The following CLVS1 variants were observed in gnomAD, a reference collection of about 807,000 sequenced individuals.
The protein encoded by CLVS1 is clavesin 1, also known as clavesin-1.
A neutral mutation model predicts 33.1 loss-of-function variants in CLVS1; 10 were observed. The ratio of observed to expected loss-of-function variants is 0.30; its 90% CI spans 0.19 to 0.51. The LOEUF is 0.51. Ranked by LOEUF, CLVS1 falls within the 20% of genes least tolerant of loss-of-function variation. CLVS1 has a pLI of 0.97. For synonymous variants in CLVS1, 163 were observed against 166.1 expected (o/e 0.98, Z 0.14); for missense variants, 343 against 433.4 (o/e 0.79, Z 1.85).
At chr8:61,334,134 A>C (rs1298113782) in intron 2 of CLVS1, among the ~76,000 whole-genome samples, 1 of 152,132 alleles carries the variant, frequency 6.6e-6, no homozygotes, top group Non-Finnish European at 1.5e-5. Context: ...AGATTTTCTT[A>C]TAGGGAGGAA....
At chr8:61,288,336 G>A in intron 1 of CLVS1, 198 bp downstream of exon 1, 1 of 449,868 alleles carries the variant, frequency 2.2e-6, no homozygotes, top group South Asian at 1.6e-5. Context: ...CCCGGCGCCC[G>A]CTCAGCCTGC....
At chr8:61,102,600 C>T (rs1245188905) in intron 1 of CLVS1, among the ~76,000 whole-genome samples, 2 of 152,078 alleles carry the variant, frequency 1.3e-5, no homozygotes, top group Admixed American at 6.5e-5. Context: ...TGTGTTTTTG[C>T]CTAGTTGCCC....
At chr8:61,021,670 T>A in the CLVS1 span, among the ~76,000 whole-genome samples, 1 of 152,158 alleles carries the variant, frequency 6.6e-6, no homozygotes, top group East Asian at 1.9e-4. Flanking sequence ...ATGGTTGTTT[T>A]GACAGCTGAA....
At chr8:61,307,964 T>G (rs1356668850) in intron 2 of CLVS1, among the ~76,000 whole-genome samples, 1 of 152,194 alleles carries the variant, frequency 6.6e-6, no homozygotes, top group Non-Finnish European at 1.5e-5. Context: ...TCCTAAAATA[T>G]CAAATTTTTA....
At chr8:61,038,762 G>A in the CLVS1 span, among the ~76,000 whole-genome samples, 6 of 152,048 alleles carry the variant, frequency 3.9e-5, no homozygotes, top group Non-Finnish European at 5.9e-5. Flanking sequence ...CCATTTCCTC[G>A]GACCCACTTT....
intron 2 of CLVS1, among the ~76,000 whole-genome samples, chr8:61,332,116 C>G (rs763368103): frequency 1.3e-5 from 2 of 152,212 alleles, no homozygotes; most frequent in Non-Finnish European, 2.9e-5. Context: ...TACCCCCAAT[C>G]TCTTAACTGA....
intron 2 of CLVS1, among the ~76,000 whole-genome samples, chr8:61,374,893 A>G (rs1299436243): frequency 6.6e-6 from 1 of 152,130 alleles, no homozygotes; most frequent in Non-Finnish European, 1.5e-5. Flanking sequence ...TTTTGGCTTA[A>G]TATAAGGAAA....
chr8:61,491,930 T>G (rs1220428357), intron 5 of CLVS1, among the ~76,000 whole-genome samples: 1 of 152,182 alleles, frequency 6.6e-6, no homozygotes, highest in Non-Finnish European at 1.5e-5. Flanking sequence ...ACAGTGATAC[T>G]AAGGACATGG....
chr8:61,104,258 C>G (rs1401284765), intron 1 of CLVS1, among the ~76,000 whole-genome samples: 1 of 152,166 alleles, frequency 6.6e-6, no homozygotes, highest in Non-Finnish European at 1.5e-5. Context: ...CTGGTTCATA[C>G]AAACAAGAAA....
intron 2 of CLVS1, among the ~76,000 whole-genome samples, chr8:61,244,836 A>ATTTATTCATTAAAAATTTTT (rs1808773853): frequency 6.6e-6 from 1 of 152,126 alleles, no homozygotes; most frequent in South Asian, 2.1e-4. Flanking sequence ...TAAAATTTTT[A>ATTTATTCATTAAAAATTTTT]TTTATTCATT....
Position 61,499,550 on chromosome 8 carries a change from G to A in CLVS1, c.*8G>A. ...CTCCTGGCTCTGGACTGAACCCTGA[G>A]TCACCCCAATGCTCCTGCACACTGG... On this transcript the variant is annotated 3_prime_UTR_variant, in exon 6 of 6. Transcript: ENST00000325897. The A allele has an allele frequency of 3.1e-6, 5 of 1,610,180 alleles. No individual in the cohort carries two copies. Among genetic ancestry groups the A allele is most frequent in the Non-Finnish European group, 4.2e-6 (5 of 1,176,654 alleles).
rs756911932 is a variant in CLVS1, at chr8:61,300,224, C to G, written c.397C>G (p.Arg133Gly). Residue 133 changes from arginine (R) to glycine (G), a missense_variant, in exon 2 of 6, where the codon CGA becomes GGA. Physicochemically the swap from Arg to Gly is moderately radical, Grantham distance 125. Coordinates refer to ENST00000325897, the MANE Select transcript of CLVS1 (RefSeq NM_173519.3). ...TGGGTTCCCCGGGGTGCTGGAAAAC[C>G]GAGACCATTACGGCAGGAAGATTCT... ...IDGFPGVLEN[R>G]DHYGRKILLL... 5.6e-6 allele frequency: 9 copies of G among 1,613,774 alleles called. No homozygotes were observed. Among genetic ancestry groups the G allele is most frequent in the Non-Finnish European group, 6.8e-6 (8 of 1,179,956 alleles).
At chr8:61,223,091 T>G (rs910099224) in intron 2 of CLVS1, among the ~76,000 whole-genome samples, 1 of 152,150 alleles carries the variant, frequency 6.6e-6, no homozygotes, top group Non-Finnish European at 1.5e-5. Flanking sequence ...AAGATGGGCC[T>G]CCTGAATACA....
At chr8:61,493,755 C>G (rs934445121) in intron 5 of CLVS1, among the ~76,000 whole-genome samples, 2 of 152,164 alleles carry the variant, frequency 1.3e-5, no homozygotes, top group Admixed American at 6.5e-5. Flanking sequence ...TTCCATAAAA[C>G]CAAGTTTGTT....
chr8:60,979,316 G>A, the CLVS1 span, among the ~76,000 whole-genome samples: 2 of 152,202 alleles, frequency 1.3e-5, no homozygotes, highest in African/African-American at 2.4e-5. Flanking sequence ...CTGAATTGAA[G>A]AGTCTGTGTA....
At chr8:61,403,682 G>A (rs938571236) in intron 3 of CLVS1, among the ~76,000 whole-genome samples, 93 of 152,148 alleles carry the variant, frequency 6.1e-4, no homozygotes, top group African/African-American at 2.1e-3. Context: ...CAAGAGTGAA[G>A]ACTTCAGGTA....
chr8:61,482,003 C>A (rs1169632891), intron 5 of CLVS1, among the ~76,000 whole-genome samples: 6 of 152,200 alleles, frequency 3.9e-5, no homozygotes, highest in Non-Finnish European at 4.4e-5. Flanking sequence ...ACGAAGCTTC[C>A]AGAGGAAGGA....
intron 1 of CLVS1, among the ~76,000 whole-genome samples, chr8:61,071,148 C>A (rs778579316): frequency 2.6e-5 from 4 of 152,214 alleles, no homozygotes; most frequent in African/African-American, 9.7e-5. Context: ...GAGGCCAACG[C>A]GTCTTTACCA....
intron 3 of CLVS1, among the ~76,000 whole-genome samples, chr8:61,417,449 T>A (rs1815482880): frequency 6.6e-6 from 1 of 152,162 alleles, no homozygotes; most frequent in African/African-American, 2.4e-5. Context: ...TTTCTGGTGT[T>A]CTGGCAAGAC....
Sources: allele counts gnomAD v4.1 joint callset (sites outside exome capture counted in the v4.1 genomes callset), GRCh38; gene constraint gnomAD v4.1.1; transcripts MANE v1.5; gene names NCBI Gene and HGNC (gene_info 2026-07-23, HGNC 2026-07-21).